Variants in NCOR2 observed in about 807,000 individuals in gnomAD.
The protein encoded by NCOR2 is nuclear receptor corepressor 2, also known as CTG repeat protein 26.
NCOR2 carries 81 observed loss-of-function variants against 262.9 expected under a neutral mutation model. That is an observed-to-expected ratio of 0.31 (90% confidence interval 0.26 to 0.37). The LOEUF is 0.37. Ranked by LOEUF, NCOR2 falls within the 10% of genes least tolerant of loss-of-function variation. The pLI, the probability that NCOR2 is intolerant of heterozygous loss-of-function variation, is 1.00. For synonymous variants in NCOR2, 1,659 were observed against 1,559.3 expected (o/e 1.06, Z -1.51); for missense variants, 3,385 against 3,621.4 (o/e 0.93, Z 1.68).
At chr12:124,521,121 G>T (rs7137496) in intron 1 of NCOR2, among the ~76,000 whole-genome samples, 2 of 152,184 alleles carry the variant, frequency 1.3e-5, no homozygotes, top group Non-Finnish European at 2.9e-5. Flanking sequence ...GGAGGTGGGG[G>T]CCAGAACTCT....
In NCOR2 at chr12:124,372,290, C is replaced by CG; in HGVS notation, c.2538dup (p.Ala847ArgfsTer3). 6.5e-7 allele frequency: 1 copy of CG among 1,543,828 alleles called. No individual in the cohort carries two copies. Among genetic ancestry groups the CG allele is most frequent in the Non-Finnish European group, 8.7e-7 (1 of 1,147,450 alleles). ...GTGTCCACTGCCAGCTCCTCAGCCG[C>CG]GGGGGGCTTCTGCTCCTCCCCCTCC... On this transcript the variant is annotated frameshift_variant, in exon 20 of 47. Coordinates refer to ENST00000405201, the Ensembl canonical transcript of NCOR2. LOFTEE classifies it high-confidence loss of function.
intron 39 of NCOR2, 29 bp from the exon 42 acceptor site, chr12:124,335,309 G>A: frequency 6.5e-7 from 1 of 1,549,394 alleles, no homozygotes; most frequent in East Asian, 2.4e-5. Flanking sequence ...TGGTCAGGGG[G>A]TGTCTGCTGG....
At chr12:124,557,336 G>A (rs922770850) in intron 1 of NCOR2, among the ~76,000 whole-genome samples, 3 of 152,306 alleles carry the variant, frequency 2.0e-5, no homozygotes, top group Non-Finnish European at 4.4e-5. Flanking sequence ...GTGTTGGCAG[G>A]GGTGGTTCCT....
intron 18 of NCOR2, 103 bp from the exon 21 acceptor site, chr12:124,374,566 G>T: frequency 1.8e-6 from 2 of 1,081,314 alleles, no homozygotes; most frequent in Non-Finnish European, 2.8e-6. Flanking sequence ...CCAGTGCACA[G>T]CAGTGAGGCC....
chr12:124,450,116 C>T (rs951701927), intron 6 of NCOR2, among the ~76,000 whole-genome samples: 1 of 152,224 alleles, frequency 6.6e-6, no homozygotes, highest in African/African-American at 2.4e-5. Context: ...GGCTGCTCTG[C>T]GGGGCATTCA....
chr12:124,473,087 G>A (rs1179887590), exon 4 of NCOR2: 35 of 1,613,864 alleles, frequency 2.2e-5, no homozygotes, highest in Non-Finnish European at 2.9e-5. Context: ...TGTGCGGGGG[G>A]CTGGGGGGAG....
chr12:124,417,094 ACGGAGAGCAGGCCGGACAG>A (rs2042925558), intron 13 of NCOR2, among the ~76,000 whole-genome samples: 5 of 140,004 alleles, frequency 3.6e-5, no homozygotes, highest in Non-Finnish European at 8.1e-5. Flanking sequence ...CAGTCACTCC[ACGGAGAGCAGGCCGGACAG>A]TCACTCCACG....
exon 20 of NCOR2, chr12:124,372,404 G>C: frequency 6.7e-6 from 10 of 1,497,534 alleles, no homozygotes; most frequent in Non-Finnish European, 8.8e-6. Flanking sequence ...GGTGCTGGTG[G>C]GGGCGTAGGG....
rs530893197 is a variant in NCOR2, at chr12:124,483,851, G to C, written c.234-78C>G. 6 of 1,424,744 alleles carry C rather than the reference G, an allele frequency of 4.2e-6. No homozygotes were observed. The highest frequency in any genetic ancestry group is 5.6e-6 in the Non-Finnish European group (6 of 1,080,870). 88.3% of individuals were successfully genotyped at this position (1,424,744 alleles called of 1,614,324 possible). A position where few individuals can be genotyped will look rare whatever the true frequency, so the allele number is the denominator to read the frequency against. On this transcript the variant is annotated intron_variant, in intron 2 of 46. Transcript: ENST00000405201. This position sits in a 1 kb window ranked among gnomAD's most constrained non-coding sequence, Gnocchi z 6.3. ...TCCCGAGGCCCCGACCACCCTCTGC[G>C]CCGAGCATCTACTGCGCGCCGTGCT... is the stretch of plus-strand genomic sequence containing the variant.
intron 34 of NCOR2, 88 bp from the exon 37 acceptor site, chr12:124,340,839 G>T: frequency 1.5e-6 from 2 of 1,291,562 alleles, no homozygotes; most frequent in East Asian, 2.8e-5. Context: ...TGGAGAGCAC[G>T]GCACACACTC....
chr12:124,334,505 C>T (rs749475732), exon 41 of NCOR2: 7 of 1,439,296 alleles, frequency 4.9e-6, no homozygotes, highest in African/African-American at 3.0e-5. Flanking sequence ...ACTGGGTGGG[C>T]GGCGGAGGTC....
At chr12:124,348,051 G>A (rs535264405) in intron 29 of NCOR2, 123 bp downstream of exon 31, 79 of 1,502,260 alleles carry the variant, frequency 5.3e-5, no homozygotes, top group East Asian at 4.8e-5. Context: ...AGGTCCCTGC[G>A]CTACCTCCAG....
At position 124,482,224 on chromosome 12, in the gene NCOR2, G is replaced by A. The variant is rs985596385; in HGVS notation, c.411+1372C>T. ...TGGCAGGGAGGCCAAGCCAGCCAAC[G>A]ACCACACAGACACCCCAGCCCCTCC... On this transcript the variant is annotated intron_variant, in intron 3 of 46. Coordinates refer to ENST00000405201, the Ensembl canonical transcript of NCOR2. This position sits in a 1 kb window ranked among gnomAD's most constrained non-coding sequence, Gnocchi z 6.3. Among the ~76,000 whole-genome samples, 21 of 152,222 alleles carry A rather than the reference G, an allele frequency of 1.4e-4. No homozygotes were observed. The East Asian group carries it at 3.9e-3, about 28-fold the overall frequency.
chr12:124,328,939 T>C (rs1473230465), intron 44 of NCOR2: 5 of 316,216 alleles, frequency 1.6e-5, no homozygotes, highest in Non-Finnish European at 3.2e-5. Context: ...TGCAGCACTT[T>C]TGAAAAAACA....
chr12:124,495,488 C>A, upstream of NCOR2: 1 of 637,608 alleles, frequency 1.6e-6, no homozygotes, highest in Non-Finnish European at 2.5e-6. This position sits in a 1 kb window ranked among gnomAD's most constrained non-coding sequence, Gnocchi z 4.4. Context: ...AGGGGCCTGC[C>A]TGGACCCTCC....
At chr12:124,397,403 A>G (rs1049966641) in intron 16 of NCOR2, among the ~76,000 whole-genome samples, 5 of 152,186 alleles carry the variant, frequency 3.3e-5, no homozygotes, top group Non-Finnish European at 5.9e-5. Flanking sequence ...GATCTTGGCC[A>G]GGAGACAGCA....
chr12:124,479,568 C>T (rs946032753), intron 3 of NCOR2, among the ~76,000 whole-genome samples: 1 of 152,224 alleles, frequency 6.6e-6, no homozygotes, highest in Non-Finnish European at 1.5e-5. Context: ...CGCACACACA[C>T]GCACGCGCGC....
chr12:124,546,376 A>G (rs1326742471), intron 1 of NCOR2, among the ~76,000 whole-genome samples: 2 of 152,196 alleles, frequency 1.3e-5, no homozygotes, highest in African/African-American at 4.8e-5. Flanking sequence ...CAAACGGAAA[A>G]TTCCACAAAT....
chr12:124,552,367 G>A (rs1462487583), intron 1 of NCOR2, among the ~76,000 whole-genome samples: 2 of 151,982 alleles, frequency 1.3e-5, no homozygotes, highest in African/African-American at 4.8e-5. Flanking sequence ...AAGCACAAAT[G>A]TCTCTCTGCC....
Sources: allele counts gnomAD v4.1 joint callset (sites outside exome capture counted in the v4.1 genomes callset), GRCh38; gene constraint gnomAD v4.1.1; non-coding constraint Gnocchi (gnomAD v3.1); transcripts MANE v1.5; gene names NCBI Gene and HGNC (gene_info 2026-07-23, HGNC 2026-07-21).